Variants in TOX observed in about 807,000 individuals in gnomAD.
The protein encoded by TOX is thymocyte selection associated high mobility group box.
Under a neutral mutation model 53.7 loss-of-function variants are expected in TOX, and 11 were observed. The ratio of observed to expected loss-of-function variants is 0.20; its 90% CI spans 0.13 to 0.34. TOX has a LOEUF of 0.34. TOX is among the 10% of genes least tolerant of loss of function. The pLI, the probability that TOX is intolerant of heterozygous loss-of-function variation, is 1.00. For synonymous variants in TOX, 225 were observed against 245.3 expected, an observed-to-expected ratio of 0.92 and a Z score of 0.77; for missense variants, 570 against 664.6, an observed-to-expected ratio of 0.86 and a Z score of 1.56.
intron 6 of TOX, among the ~76,000 whole-genome samples, chr8:58,823,871 C>T (rs946044966): frequency 5.9e-5 from 9 of 152,120 alleles, no homozygotes; most frequent in African/African-American, 2.2e-4. Context: ...GATCTATTGG[C>T]CTAGAAATGC....
At chr8:59,053,590 C>T (rs1803833154) in intron 1 of TOX, among the ~76,000 whole-genome samples, 1 of 152,106 alleles carries the variant, frequency 6.6e-6, no homozygotes, top group African/African-American at 2.4e-5. Context: ...TACCATTTTT[C>T]TTTAAGTGTC....
chr8:59,071,292 C>T (rs900139481), intron 1 of TOX, among the ~76,000 whole-genome samples: 4 of 152,126 alleles, frequency 2.6e-5, no homozygotes, highest in African/African-American at 9.7e-5. Flanking sequence ...CACTCTCCAC[C>T]CTTAATACAC....
chr8:58,845,044 T>C (rs1268193779), intron 4 of TOX, among the ~76,000 whole-genome samples: 1 of 152,118 alleles, frequency 6.6e-6, no homozygotes, highest in African/African-American at 2.4e-5. Context: ...GTTGCTTAGA[T>C]AACAGTATTT....
At chr8:59,033,276 C>A (rs1814393432) in intron 1 of TOX, among the ~76,000 whole-genome samples, 1 of 152,180 alleles carries the variant, frequency 6.6e-6, no homozygotes, top group Non-Finnish European at 1.5e-5. Flanking sequence ...GCTCACTCAC[C>A]ATTCTATTGC....
chr8:58,914,310 C>T (rs1301557727), intron 3 of TOX, among the ~76,000 whole-genome samples: 2 of 152,142 alleles, frequency 1.3e-5, no homozygotes, highest in Non-Finnish European at 2.9e-5. Flanking sequence ...ATGTAATTTT[C>T]AGCTCAAATC....
At chr8:58,929,071 C>A (rs935370136) in intron 3 of TOX, among the ~76,000 whole-genome samples, 3 of 151,884 alleles carry the variant, frequency 2.0e-5, no homozygotes, top group African/African-American at 7.3e-5. Flanking sequence ...AAAATGCTAC[C>A]CTGAATTACA....
intron 3 of TOX, among the ~76,000 whole-genome samples, chr8:58,911,924 A>G (rs1473994321): frequency 1.3e-5 from 2 of 152,086 alleles, no homozygotes; most frequent in African/African-American, 4.8e-5. Flanking sequence ...CTGGTCTCGA[A>G]CTCCTAACCT....
At chr8:58,883,810 T>C (rs1811425239) in intron 3 of TOX, among the ~76,000 whole-genome samples, 1 of 152,068 alleles carries the variant, frequency 6.6e-6, no homozygotes, top group Non-Finnish European at 1.5e-5. Context: ...AAAGAAGACA[T>C]ATGATTGACT....
chr8:58,808,703 T>A (rs1414520011), intron 7 of TOX, among the ~76,000 whole-genome samples: 1 of 152,218 alleles, frequency 6.6e-6, no homozygotes, highest in African/African-American at 2.4e-5. Flanking sequence ...CTGAGTGTTT[T>A]ATTAGACTAC....
At chr8:58,921,230 G>T (rs986723666) in intron 3 of TOX, among the ~76,000 whole-genome samples, 3 of 152,186 alleles carry the variant, frequency 2.0e-5, no homozygotes, top group African/African-American at 7.2e-5. Context: ...TCTGCTTTAA[G>T]CAAAGTAAAA....
At chr8:58,861,734 C>A (rs754125487) in intron 3 of TOX, among the ~76,000 whole-genome samples, 1 of 152,160 alleles carries the variant, frequency 6.6e-6, no homozygotes, top group Non-Finnish European at 1.5e-5. Flanking sequence ...GCAGCATGAG[C>A]TAGCAAGAAT....
chr8:59,105,882 T>C (rs969581204), intron 1 of TOX, among the ~76,000 whole-genome samples: 3 of 152,216 alleles, frequency 2.0e-5, no homozygotes, highest in African/African-American at 7.2e-5. Flanking sequence ...TATTAAGTTC[T>C]TGATTAGTCT....
chr8:58,894,658 C>A (rs1811610197), intron 3 of TOX, among the ~76,000 whole-genome samples: 1 of 152,094 alleles, frequency 6.6e-6, no homozygotes, highest in African/African-American at 2.4e-5. Flanking sequence ...CTTTGGGAGG[C>A]CGACGCGGGT....
At chr8:59,092,279 ATATT>A (rs1255959182) in intron 1 of TOX, among the ~76,000 whole-genome samples, 8 of 119,546 alleles carry the variant, frequency 6.7e-5, no homozygotes, top group African/African-American at 2.8e-4. Context: ...ATATATATAT[ATATT>A]ATATATACAT....
chr8:59,012,921 TAAA>T (rs373043305), intron 1 of TOX, among the ~76,000 whole-genome samples: 30 of 123,266 alleles, frequency 2.4e-4, no homozygotes, highest in African/African-American at 4.7e-4. Flanking sequence ...TCCCATAGGT[TAAA>T]AAAAAAAAAA....
intron 2 of TOX, among the ~76,000 whole-genome samples, chr8:58,956,542 T>C (rs1459848098): frequency 6.6e-6 from 1 of 152,122 alleles, no homozygotes; most frequent in Non-Finnish European, 1.5e-5. Context: ...GTTACCTATT[T>C]TGTGTGTGTG....
At chr8:58,948,392 T>C (rs1488665653) in intron 2 of TOX, among the ~76,000 whole-genome samples, 2 of 152,216 alleles carry the variant, frequency 1.3e-5, no homozygotes, top group Non-Finnish European at 2.9e-5. Context: ...TCAGTATTGC[T>C]TGGGGGTCTA....
In TOX at chr8:58,998,493, GTA is replaced by G. The variant is rs61434586; in HGVS notation, c.103-38487_103-38486del. On this transcript the variant is annotated intron_variant, in intron 1 of 8. Transcript: ENST00000361421. ...GATAGAGCCAGACTCCATCTCAAAA[GTA>G]TATATATATATATATATATATATAT... Among the ~76,000 whole-genome samples, 325 of 63,558 alleles carry G rather than the reference GTA, an allele frequency of 5.1e-3. 6 individuals carry two copies. The highest frequency in any genetic ancestry group is 0.012 in the African/African-American group (107 of 9,128). The allele number at this position is 63,558 out of a possible 152,430, so 41.7% of individuals were successfully genotyped here. A position where few individuals can be genotyped will look rare whatever the true frequency, so the allele number is the denominator to read the frequency against.
intron 3 of TOX, among the ~76,000 whole-genome samples, chr8:58,931,379 T>C (rs1812251083): frequency 6.6e-6 from 1 of 151,994 alleles, no homozygotes; most frequent in Non-Finnish European, 1.5e-5. Flanking sequence ...ATAATGACCT[T>C]TGAGGAAAGG....
Sources: allele counts gnomAD v4.1 joint callset (sites outside exome capture counted in the v4.1 genomes callset), GRCh38; gene constraint gnomAD v4.1.1; transcripts MANE v1.5; gene names NCBI Gene and HGNC (gene_info 2026-07-23, HGNC 2026-07-21).